The following FOXO1 variants were observed in gnomAD, a reference collection of about 807,000 sequenced individuals.
FOXO1 encodes the protein forkhead box protein O1.
A neutral mutation model predicts 44.1 loss-of-function variants in FOXO1; 6 were observed. That is an observed-to-expected ratio of 0.14 (90% CI 0.07 to 0.27). The LOEUF is 0.27. Among genes scored for constraint, FOXO1 ranks in the 10% least tolerant of loss-of-function variants. FOXO1 has a pLI of 1.00. For synonymous variants in FOXO1, 380 were observed against 362.7 expected, an observed-to-expected ratio of 1.05 and a Z score of -0.54; for missense variants, 737 against 888.8, an observed-to-expected ratio of 0.83 and a Z score of 2.17.
chr13:40,612,961 G>A (rs1033440881), intron 1 of FOXO1, among the ~76,000 whole-genome samples: 3 of 152,134 alleles, frequency 2.0e-5, no homozygotes, highest in African/African-American at 4.8e-5. Flanking sequence ...TAATGGCAAC[G>A]TTTTAAAAGA....
At chr13:40,635,208 A>AT (rs1402324764) in intron 1 of FOXO1, among the ~76,000 whole-genome samples, 1 of 151,926 alleles carries the variant, frequency 6.6e-6, no homozygotes, top group African/African-American at 2.4e-5. Context: ...AACCAAAAAA[A>AT]TTTTTGAAAA....
At position 40,562,373 on chromosome 13, in the gene FOXO1, C is replaced by T. The variant is rs76352791; in HGVS notation, c.631-1513G>A. On this transcript the variant is annotated intron_variant, in intron 1 of 2. Coordinates refer to ENST00000379561, the MANE Select transcript of FOXO1 (RefSeq NM_002015.4). ...CAACTAGGGAAGAAAAACCAACAAT[C>T]TTTCTTTTGAGTACTTCCTGGGTGG... Among the ~76,000 whole-genome samples the T allele has an allele frequency of 5.7e-3, 875 of 152,316 alleles. 6 individuals carry two copies. The highest frequency in any genetic ancestry group is 0.019 in the East Asian group (100 of 5,184).
At chr13:40,647,197 A>G (rs759872164) in intron 1 of FOXO1, among the ~76,000 whole-genome samples, 16 of 152,158 alleles carry the variant, frequency 1.1e-4, no homozygotes, top group Non-Finnish European at 1.5e-4. Context: ...TATTCACCAT[A>G]TAATTCTTCC....
At chr13:40,617,274 C>T (rs1463396732) in intron 1 of FOXO1, among the ~76,000 whole-genome samples, 2 of 152,116 alleles carry the variant, frequency 1.3e-5, no homozygotes, top group Admixed American at 6.5e-5. Flanking sequence ...GGAGAAGACT[C>T]GCCTCTACTA....
intron 1 of FOXO1, among the ~76,000 whole-genome samples, chr13:40,628,535 C>T (rs1253413948): frequency 3.3e-5 from 5 of 152,080 alleles, no homozygotes. Context: ...TGAGTCCGTC[C>T]TCTTCAGCTT....
chr13:40,596,710 G>A (rs879688864), intron 1 of FOXO1, among the ~76,000 whole-genome samples: 2 of 152,152 alleles, frequency 1.3e-5, no homozygotes, highest in Non-Finnish European at 2.9e-5. Context: ...ACGTCACTAA[G>A]CACGCTCTGT....
Position 40,560,778 on chromosome 13 carries a change from A to T in FOXO1, c.713T>A (p.Met238Lys). 6.2e-7 allele frequency: 1 copy of T among 1,614,204 alleles called. No homozygotes were observed. Among genetic ancestry groups the T allele is most frequent in the Middle Eastern group, 1.6e-4 (1 of 6,062 alleles). ...NEGTGKSSWWMLNPEGGKSGK... is the reference protein window; with the variant it reads ...NEGTGKSSWWKLNPEGGKSGK... ...GCTCTTGCCACCCTCTGGATTGAGC[A>T]TCCACCAAGAACTTTTTCCAGTTCC... Residue 238 changes from methionine to lysine, a missense_variant, in exon 2 of 3, where the codon ATG becomes AAG. This residue lies in a region of FOXO1 where 136 missense variants were observed against 186.4 expected (regional missense o/e 0.73). Transcript: ENST00000379561. This position sits in a 1 kb window ranked among gnomAD's most constrained non-coding sequence, Gnocchi z 5.1.
intron 1 of FOXO1, among the ~76,000 whole-genome samples, chr13:40,614,987 G>A (rs989378762): frequency 2.6e-5 from 4 of 152,176 alleles, no homozygotes; most frequent in Non-Finnish European, 5.9e-5. Flanking sequence ...ACATGGCATA[G>A]GTGGGTATGC....
At chr13:40,644,568 A>C (rs1228730731) in intron 1 of FOXO1, among the ~76,000 whole-genome samples, 1 of 152,232 alleles carries the variant, frequency 6.6e-6, no homozygotes, top group Non-Finnish European at 1.5e-5. Context: ...ACCAGGTCAC[A>C]CATACAATGA....
At chr13:40,563,214 G>A (rs373383843) in intron 1 of FOXO1, among the ~76,000 whole-genome samples, 1 of 152,210 alleles carries the variant, frequency 6.6e-6, no homozygotes, top group African/African-American at 2.4e-5. Context: ...CCGGGCCCGA[G>A]TGCCAACCAC....
At chr13:40,614,265 T>C (rs1876336999) in intron 1 of FOXO1, among the ~76,000 whole-genome samples, 2 of 152,176 alleles carry the variant, frequency 1.3e-5, no homozygotes, top group Non-Finnish European at 2.9e-5. Context: ...CAGCTGGAAA[T>C]TTTAAAGCTA....
At chr13:40,652,825 G>T (rs564560076) in intron 1 of FOXO1, among the ~76,000 whole-genome samples, 5 of 152,060 alleles carry the variant, frequency 3.3e-5, no homozygotes, top group Non-Finnish European at 7.4e-5. Context: ...AGTATTTGAC[G>T]TTTACTTGTA....
intron 1 of FOXO1, among the ~76,000 whole-genome samples, chr13:40,563,329 G>A (rs1874117493): frequency 6.6e-6 from 1 of 152,196 alleles, no homozygotes; most frequent in Non-Finnish European, 1.5e-5. Context: ...AGAAAATGGA[G>A]GGGTCTCACT....
chr13:40,641,146 T>C, intron 1 of FOXO1, among the ~76,000 whole-genome samples: 1 of 152,140 alleles, frequency 6.6e-6, no homozygotes, highest in East Asian at 1.9e-4. Context: ...CCATTCCCCG[T>C]AAAAGGAGGT....
At chr13:40,603,870 G>A (rs914419365) in intron 1 of FOXO1, among the ~76,000 whole-genome samples, 3 of 152,132 alleles carry the variant, frequency 2.0e-5, no homozygotes, top group Non-Finnish European at 4.4e-5. Context: ...ATCTGAAAAA[G>A]CACAACTGAG....
intron 1 of FOXO1, among the ~76,000 whole-genome samples, chr13:40,630,603 C>T (rs559560052): frequency 2.0e-5 from 3 of 150,988 alleles, no homozygotes; most frequent in Non-Finnish European, 4.4e-5. Context: ...TGGGGTGGGC[C>T]GAGATCGCGC....
chr13:40,600,932 C>A (rs1412234929), intron 1 of FOXO1, among the ~76,000 whole-genome samples: 2 of 152,158 alleles, frequency 1.3e-5, no homozygotes, highest in Non-Finnish European at 2.9e-5. Context: ...CTCAAGCAAT[C>A]TACTACAAAT....
intron 1 of FOXO1, among the ~76,000 whole-genome samples, chr13:40,561,122 G>A (rs1489079903): frequency 6.6e-6 from 1 of 152,138 alleles, no homozygotes; most frequent in Admixed American, 6.5e-5. Flanking sequence ...CGAGGCCCAG[G>A]CAAGCGGATC....
chr13:40,574,456 A>G (rs1276629032), intron 1 of FOXO1, among the ~76,000 whole-genome samples: 1 of 152,238 alleles, frequency 6.6e-6, no homozygotes, highest in Non-Finnish European at 1.5e-5. Context: ...AACAGATTAT[A>G]CATGTGAAGA....
Sources: gnomAD v4.1 joint callset for allele counts (sites outside exome capture counted in the v4.1 genomes callset) on GRCh38, gnomAD v4.1.1 for gene constraint, gnomAD v4.1.1 regional missense constraint, Gnocchi (gnomAD v3.1) non-coding constraint, MANE v1.5 for transcripts, NCBI Gene and HGNC (gene_info 2026-07-23, HGNC 2026-07-21) for gene names.